Variants in NTN3 observed in about 807,000 individuals in gnomAD.
NTN3 encodes netrin 3, also known as netrin-3.
NTN3 carries 44 observed loss-of-function variants against 37.2 expected under a neutral mutation model. The ratio of observed to expected loss-of-function variants is 1.18; its 90% CI spans 0.93 to 1.52. The LOEUF (loss-of-function observed/expected upper bound fraction) is 1.52. NTN3 is among the 40% of genes most tolerant of loss of function. The probability of loss-of-function intolerance (pLI) is 0.00; values close to 1 mark genes in which losing one functional copy is unlikely to be tolerated. For synonymous variants in NTN3, 385 were observed against 376.0 expected (o/e 1.02, Z -0.28); for missense variants, 882 against 857.3 (o/e 1.03, Z -0.36).
Position 2,472,680 on chromosome 16 carries a change from CT to C in NTN3, c.929-20del, listed in dbSNP as rs1296548423. The C allele has an allele frequency of 3.1e-6, 5 of 1,608,632 alleles. No individual in the cohort carries two copies. The highest frequency in any genetic ancestry group is 1.1e-5 in the South Asian group (1 of 91,008). On this transcript the variant is annotated intron_variant, in intron 1 of 5. Coordinates refer to ENST00000293973, the MANE Select transcript of NTN3 (RefSeq NM_006181.3). ...GACCTTGGACACAACCAGCCTGCCC[CT>C]GACCCATCCCTCCCTGCAGCTTGCT... is the stretch of plus-strand genomic sequence containing the variant.
rs1177756374 is a variant in NTN3, at chr16:2,474,006, C to T, written c.1644C>T (p.Ala548=). The change falls in exon 6 of 6, where the codon GCC becomes GCT. Residue 548 remains alanine, a synonymous_variant. Transcript: ENST00000293973. ...GGGGCCGGGGGCCCGGGCTCATCGCCGCCCGCGGAAGCCTCGTGCTACCCT... is the reference window on the plus strand; with the variant it reads ...GGGGCCGGGGGCCCGGGCTCATCGCTGCCCGCGGAAGCCTCGTGCTACCCT... The part of the protein sequence containing the change: ...GAGGRGPGLI[A]ARGSLVLPWR... 8.4e-7 allele frequency: 1 copy of T among 1,187,096 alleles called. No individual in the cohort carries two copies. Among genetic ancestry groups the T allele is most frequent in the Middle Eastern group, 3.4e-4 (1 of 2,980 alleles). The allele number at this position is 1,187,096 out of a possible 1,614,324, so 73.5% of individuals were successfully genotyped here.
Position 2,473,000 on chromosome 16 carries a change from CGGTT to C in NTN3, c.1137_1140del (p.Gly380LeufsTer76). 6.2e-7 allele frequency: 1 copy of C among 1,604,006 alleles called. No individual in the cohort carries two copies. The highest frequency in any genetic ancestry group is 8.5e-7 in the Non-Finnish European group (1 of 1,174,658). ...CTGTCCTCAGCCTGCGACTGTCACC[CGGTT>C]GGTGCTGCTGGCAAGACCTGCAACC... On this transcript the variant is annotated frameshift_variant, in exon 3 of 6. Transcript: ENST00000293973. LOFTEE classifies it high-confidence loss of function.
chr16:2,473,323 G>C lies in NTN3; in HGVS notation c.1318+5G>C. 6.2e-7 allele frequency: 1 copy of C among 1,612,942 alleles called. No homozygotes were observed. ...GCAGCCCTGTGCAGCCCCAGGGTGA[G>C]TGGACACAGGACAGGGCCCCAGACT... On this transcript the variant is annotated splice_donor_5th_base_variant and intron_variant, in intron 4 of 5. Coordinates refer to ENST00000293973, the MANE Select transcript of NTN3 (RefSeq NM_006181.3).
At position 2,472,468 on chromosome 16, in the gene NTN3, A is replaced by G; in HGVS notation, c.767A>G (p.Lys256Arg). The part of the protein sequence containing the change: ...ATDLQVGGRC[K>R]CNGHASRCLL... The stretch of plus-strand genomic sequence containing the variant: ...GACCTCCAGGTGGGCGGGCGCTGCA[A>G]GTGCAATGGACATGCCTCACGGTGC... The change falls in exon 1 of 6, where the codon AAG becomes AGG. Residue 256 changes from lysine (K) to arginine (R), a missense_variant. Coordinates refer to ENST00000293973, the MANE Select transcript of NTN3 (RefSeq NM_006181.3). The G allele has an allele frequency of 6.3e-7, 1 of 1,596,144 alleles. No individual in the cohort carries two copies. The highest frequency in any genetic ancestry group is 8.6e-7 in the Non-Finnish European group (1 of 1,164,382).
At chr16:2,473,347 C>A (rs757252344) in intron 4 of NTN3, 29 bp downstream of exon 4, 17 of 1,612,780 alleles carry the variant, frequency 1.1e-5, no homozygotes, top group Non-Finnish European at 1.4e-5. Flanking sequence ...GGGCCCCAGA[C>A]TGGCATGACT....
chr16:2,474,136 C>T lies in NTN3; in HGVS notation c.*31C>T, dbSNP rs2141846516. ...CCGGCTGGGCAGGGCGGCCGCTGCT[C>T]CCACATCTAGGCGCACGTTCACCCT... On this transcript the variant is annotated 3_prime_UTR_variant, in exon 6 of 6. Coordinates refer to ENST00000293973, the MANE Select transcript of NTN3 (RefSeq NM_006181.3). 8.4e-7 allele frequency: 1 copy of T among 1,195,964 alleles called. No individual in the cohort carries two copies. Among genetic ancestry groups the T allele is most frequent in the Non-Finnish European group, 1.0e-6 (1 of 964,432 alleles). The allele number at this position is 1,195,964 out of a possible 1,614,324, so 74.1% of individuals were successfully genotyped here.
chr16:2,472,403 G>C lies in NTN3; in HGVS notation c.702G>C (p.Arg234Ser). 1 of 1,612,736 alleles carries C rather than the reference G, an allele frequency of 6.2e-7. No homozygotes were observed. The highest frequency in any genetic ancestry group is 8.5e-7 in the Non-Finnish European group (1 of 1,179,860). The change falls in exon 1 of 6, where the codon AGG becomes AGC. Residue 234 changes from arginine to serine, a missense_variant. Coordinates refer to ENST00000293973, the MANE Select transcript of NTN3 (RefSeq NM_006181.3). ...LTRPSTAGDP[R>S]DMEAVVPYSY... Reference sequence around the variant, plus strand: ...GGCCTAGCACGGCAGGTGACCCCAGGGACATGGAGGCCGTCGTCCCTTACT... The same window carrying C: ...GGCCTAGCACGGCAGGTGACCCCAGCGACATGGAGGCCGTCGTCCCTTACT...
At chr16:2,473,168 C>T (rs1215039263) in intron 3 of NTN3, 34 bp downstream of exon 3, 1 of 1,593,650 alleles carries the variant, frequency 6.3e-7, no homozygotes, top group East Asian at 2.2e-5. Flanking sequence ...GCCACCAAGC[C>T]AAGGCCACCC....
At chr16:2,473,390 G>C in intron 4 of NTN3, 39 bp from the exon 5 acceptor site, 1 of 1,612,548 alleles carries the variant, frequency 6.2e-7, no homozygotes, top group South Asian at 1.1e-5. Context: ...GAGAGGGTGG[G>C]GAAAGGGAGT....
chr16:2,472,261 G>T lies in NTN3; in HGVS notation c.560G>T (p.Gly187Val). The stretch of plus-strand genomic sequence containing the variant: ...CCCGCACCCCTGGCCCAGCCTGATG[G>T]CAGCGGCCTTCTGGCCTTCAGCATG... ...CFPAPLAQPD[G>V]SGLLAFSMQD... The change falls in exon 1 of 6, where the codon GGC (glycine) becomes GTC (valine). Residue 187 changes from glycine (G) to valine (V), a missense_variant. By Grantham distance (109) the Gly-to-Val change is moderately radical. Coordinates refer to ENST00000293973, the MANE Select transcript of NTN3 (RefSeq NM_006181.3). 1 of 1,608,202 alleles carries T rather than the reference G, an allele frequency of 6.2e-7. No homozygotes were observed. Among genetic ancestry groups the T allele is most frequent in the East Asian group, 2.2e-5 (1 of 44,742 alleles).
rs756908126 is a variant in NTN3, at chr16:2,473,465, A to G, written c.1355A>G (p.Tyr452Cys). 1 of 1,613,008 alleles carries G rather than the reference A, an allele frequency of 6.2e-7. No homozygotes were observed. The highest frequency in any genetic ancestry group is 1.7e-5 in the Admixed American group (1 of 60,024). Residue 452 changes from tyrosine (Y) to cysteine (C), a missense_variant, in exon 5 of 6, where the codon TAC (tyrosine) becomes TGC (cysteine). Tyr to Cys is a radical substitution (Grantham distance 194, BLOSUM62 -2). Transcript: ENST00000293973. The stretch of plus-strand genomic sequence containing the variant: ...CACTGCAAACCTGCCCGTGGCAGCT[A>G]CCGCATCAGCCTAAAGAAGTTCTGC... ...DSHCKPARGS[Y>C]RISLKKFCKK... is the part of the protein sequence containing the mutation.
At position 2,471,486 on chromosome 16, in the gene NTN3, C is replaced by G; in HGVS notation, c.-216C>G. 2.6e-6 allele frequency: 1 copy of G among 386,420 alleles called. No homozygotes were observed. Among genetic ancestry groups the G allele is most frequent in the Non-Finnish European group, 4.6e-6 (1 of 219,292 alleles). 23.9% of individuals were successfully genotyped at this position (386,420 alleles called of 1,614,324 possible). Reference sequence around the variant, plus strand: ...AGCGGGGGCGACGCCTGTCATCGCTCTAGGCCCAGCGGGAGGACGCGCCAA... The same window carrying G: ...AGCGGGGGCGACGCCTGTCATCGCTGTAGGCCCAGCGGGAGGACGCGCCAA... On this transcript the variant is annotated 5_prime_UTR_variant, in exon 1 of 6. Coordinates refer to ENST00000293973, the MANE Select transcript of NTN3 (RefSeq NM_006181.3).
chr16:2,472,968 C>G lies in NTN3; in HGVS notation c.1118-17C>G. On this transcript the variant is annotated splice_polypyrimidine_tract_variant and intron_variant, in intron 2 of 5. Coordinates refer to ENST00000293973, the MANE Select transcript of NTN3 (RefSeq NM_006181.3). ...CAGACAGGCTTCTGACCAGGCCCTT[C>G]CCACCTCTGTCCTCAGCCTGCGACT... 2 of 1,590,342 alleles carry G rather than the reference C, an allele frequency of 1.3e-6. No individual in the cohort carries two copies. Among genetic ancestry groups the G allele is most frequent in the Non-Finnish European group, 1.7e-6 (2 of 1,166,976 alleles).
rs780740338 is a variant in NTN3, at chr16:2,472,774, C to CG, written c.1007dup (p.Val337CysfsTer31). 2 of 1,608,278 alleles carry CG rather than the reference C, an allele frequency of 1.2e-6. No homozygotes were observed. The highest frequency in any genetic ancestry group is 2.2e-5 in the South Asian group (2 of 91,052). ...TGTACCGACTGTCCGGCCGCCGCAG[C>CG]GGGGGTGTCTGTCTCAACTGCCGGC... On this transcript the variant is annotated frameshift_variant, in exon 2 of 6. Coordinates refer to ENST00000293973, the MANE Select transcript of NTN3 (RefSeq NM_006181.3). LOFTEE classifies it high-confidence loss of function.
chr16:2,472,413 G>A lies in NTN3; in HGVS notation c.712G>A (p.Ala238Thr), dbSNP rs1386160449. The change falls in exon 1 of 6, where the codon GCC becomes ACC. Residue 238 changes from alanine (A) to threonine (T), a missense_variant. By Grantham distance (58) the Ala-to-Thr change is moderately conservative (BLOSUM62 0). Transcript: ENST00000293973. ...STAGDPRDME[A>T]VVPYSYAATD... is the part of the protein sequence containing the mutation. ...GGCAGGTGACCCCAGGGACATGGAGGCCGTCGTCCCTTACTCCTACGCAGC... is the reference window on the plus strand; with the variant it reads ...GGCAGGTGACCCCAGGGACATGGAGACCGTCGTCCCTTACTCCTACGCAGC... The A allele has an allele frequency of 1.2e-6, 2 of 1,612,658 alleles. No homozygotes were observed. Among genetic ancestry groups the A allele is most frequent in the Non-Finnish European group, 1.7e-6 (2 of 1,179,794 alleles).
At position 2,474,017 on chromosome 16, in the gene NTN3, G is replaced by A; in HGVS notation, c.1655G>A (p.Ser552Asn). ...CCCGGGCTCATCGCCGCCCGCGGAA[G>A]CCTCGTGCTACCCTGGAGGGACGCG... is the stretch of plus-strand genomic sequence containing the variant. ...RGPGLIAARG[S>N]LVLPWRDAWT... The change falls in exon 6 of 6, where the codon AGC (serine) becomes AAC (asparagine). Residue 552 changes from serine to asparagine, a missense_variant. Coordinates refer to ENST00000293973, the MANE Select transcript of NTN3 (RefSeq NM_006181.3). 8.4e-7 allele frequency: 1 copy of A among 1,194,702 alleles called. No homozygotes were observed. Among genetic ancestry groups the A allele is most frequent in the Non-Finnish European group, 1.0e-6 (1 of 964,116 alleles). 74.0% of individuals were successfully genotyped at this position (1,194,702 alleles called of 1,614,324 possible). A position where few individuals can be genotyped will look rare whatever the true frequency, so the allele number is the denominator to read the frequency against.
chr16:2,473,193 T>G, intron 3 of NTN3, 59 bp downstream of exon 3: 1 of 1,597,228 alleles, frequency 6.3e-7, no homozygotes, highest in South Asian at 1.1e-5. Context: ...TCCCTGCTGT[T>G]GTCCCGTCTA....
Position 2,472,792 on chromosome 16 carries a change from C to T in NTN3, c.1020C>T (p.Asn340=). The change falls in exon 2 of 6, where the codon AAC becomes AAT. Residue 340 remains asparagine, a synonymous_variant. Coordinates refer to ENST00000293973, the MANE Select transcript of NTN3 (RefSeq NM_006181.3). ...SGRRSGGVCL[N]CRHNTAGRHC... ...GCCGCAGCGGGGGTGTCTGTCTCAA[C>T]TGCCGGCACAACACCGCCGGCCGCC... 6.2e-7 allele frequency: 1 copy of T among 1,608,366 alleles called. No individual in the cohort carries two copies. The highest frequency in any genetic ancestry group is 2.2e-5 in the East Asian group (1 of 44,882).
At position 2,473,762 on chromosome 16, in the gene NTN3, A is replaced by T; in HGVS notation, c.1400A>T (p.Gln467Leu). 7.2e-7 allele frequency: 1 copy of T among 1,397,154 alleles called. No individual in the cohort carries two copies. Among genetic ancestry groups the T allele is most frequent in the South Asian group, 1.6e-5 (1 of 62,508 alleles). 86.5% of individuals were successfully genotyped at this position (1,397,154 alleles called of 1,614,324 possible). ...KKFCKKDYAV[Q>L]VAVGARGEAR... The stretch of plus-strand genomic sequence containing the variant: ...CCTCTCGCTCTCCCCGCAGCGGTGC[A>T]GGTGGCGGTGGGTGCGCGCGGCGAG... The change falls in exon 6 of 6, where the codon CAG becomes CTG. Residue 467 changes from glutamine to leucine, a missense_variant. Gln to Leu is a moderately radical substitution (Grantham distance 113). Coordinates refer to ENST00000293973, the MANE Select transcript of NTN3 (RefSeq NM_006181.3).
Sources: allele counts gnomAD v4.1 joint callset, GRCh38; gene constraint gnomAD v4.1.1; transcripts MANE v1.5; gene names NCBI Gene and HGNC (gene_info 2026-07-23, HGNC 2026-07-21).